The following MAN1B1 variants were observed in gnomAD, a reference collection of about 807,000 sequenced individuals.
MAN1B1 encodes endoplasmic reticulum mannosyl-oligosaccharide 1,2-alpha-mannosidase.
A neutral mutation model predicts 75.5 loss-of-function variants in MAN1B1; 66 were observed. That is an observed-to-expected ratio of 0.87 (90% CI 0.72 to 1.07). The LOEUF is 1.07. Among genes scored for constraint, MAN1B1 ranks in the 50% least tolerant of loss-of-function variants. The pLI is 0.00. For synonymous variants in MAN1B1, 453 were observed against 382.8 expected (o/e 1.18, Z -2.14); for missense variants, 973 against 912.5 (o/e 1.07, Z -0.85).
intron 9 of MAN1B1, 106 bp downstream of exon 9, chr9:137,106,421 C>CTCCCACGGCCCCCACTCCTG: frequency 8.7e-7 from 1 of 1,147,560 alleles, no homozygotes; most frequent in Non-Finnish European, 1.2e-6. Flanking sequence ...CTGCCCCCCG[C>CTCCCACGGCCCCCACTCCTG]CACACTGTGT....
rs747752271 is a variant in MAN1B1, at chr9:137,101,031, T to A, written c.943T>A (p.Ser315Thr). Residue 315 changes from serine to threonine, a missense_variant, in exon 7 of 13, where the codon TCG becomes ACG. Ser to Thr is a moderately conservative substitution (Grantham distance 58). Transcript: ENST00000371589. ...ATTTGAGGAAGCCAGGAAGTGGGTGTCGAAGAAGTTACACTTTGAAAAGGA... is the reference window on the plus strand; with the variant it reads ...ATTTGAGGAAGCCAGGAAGTGGGTGACGAAGAAGTTACACTTTGAAAAGGA... ...KEFEEARKWV[S>T]KKLHFEKDVD... 5 of 1,614,078 alleles carry A rather than the reference T, an allele frequency of 3.1e-6. 1 individual carries two copies. In the South Asian group the frequency reaches 5.5e-5, roughly 18 times the overall value.
In MAN1B1 at chr9:137,108,587, C is replaced by T; in HGVS notation, c.2096C>T (p.Ala699Val). 1.2e-6 allele frequency: 2 copies of T among 1,613,664 alleles called. No homozygotes were observed. Among genetic ancestry groups the T allele is most frequent in the Non-Finnish European group, 1.7e-6 (2 of 1,179,986 alleles). Residue 699 changes from alanine to valine, a missense_variant, in exon 13 of 13, where the codon GCC becomes GTC. Physicochemically the swap from Ala to Val is moderately conservative, Grantham distance 64. Transcript: ENST00000371589. ...CACCCTCTGCCTATCTGGACCCCTG[C>T]CTAGGGTGGATGGCTGCTGGTGTGG... ...EAHPLPIWTP[A>V]
intron 5 of MAN1B1, among the ~76,000 whole-genome samples, chr9:137,098,617 A>G (rs935661311): frequency 6.6e-6 from 1 of 152,218 alleles, no homozygotes; most frequent in Non-Finnish European, 1.5e-5. Context: ...AGGCAGAGGC[A>G]GAGGCATAGA....
At chr9:137,098,717 CAA>C (rs1830725411) in intron 5 of MAN1B1, among the ~76,000 whole-genome samples, 1 of 152,100 alleles carries the variant, frequency 6.6e-6, no homozygotes, top group Non-Finnish European at 1.5e-5. Flanking sequence ...ACACATTAGT[CAA>C]TGTTGGCCGG....
rs561406012 is a variant in MAN1B1 at position 137,087,238 on chromosome 9, G to A, written c.219+20G>A. The A allele has an allele frequency of 7.1e-6, 11 of 1,558,204 alleles. No individual in the cohort carries two copies. The Admixed American group carries it at 1.5e-4, about 22-fold the overall frequency. Reference sequence around the variant, plus strand: ...TGGAGGGTGAGGGTCGCGCCGGGCTGACTGGGGCCCGGGGCTGCCGTGCCC... The same window carrying A: ...TGGAGGGTGAGGGTCGCGCCGGGCTAACTGGGGCCCGGGGCTGCCGTGCCC... On this transcript the variant is annotated intron_variant, in intron 1 of 12. Coordinates refer to ENST00000371589, the MANE Select transcript of MAN1B1 (RefSeq NM_016219.5).
intron 8 of MAN1B1, chr9:137,104,392 G>A (rs536884674): frequency 5.8e-5 from 17 of 291,992 alleles, no homozygotes; most frequent in Admixed American, 3.7e-4. Context: ...CTGCCACCAC[G>A]CCCAGCTAAT....
At chr9:137,094,302 A>C (rs118009986) in intron 3 of MAN1B1, 6,547 of 336,064 alleles carry the variant, frequency 0.019, 100 homozygotes, top group South Asian at 0.043. Context: ...GATGTGAGCC[A>C]CTGCACCTGA....
Position 137,102,424 on chromosome 9 carries a change from TG to T in MAN1B1, c.1254+754del, listed in dbSNP as rs1002212750. On this transcript the variant is annotated intron_variant, in intron 8 of 12. Coordinates refer to ENST00000371589, the MANE Select transcript of MAN1B1 (RefSeq NM_016219.5). ...ACGCTGTTGCAGGCGTGCAGGTTGG[TG>T]GTGTTACATTCACACTGTTGCAGGC... 2.6e-5 allele frequency: 11 copies of T among 426,792 alleles called. No homozygotes were observed. The African/African-American group carries it at 2.6e-4, about 10-fold the overall frequency. 26.4% of individuals were successfully genotyped at this position (426,792 alleles called of 1,614,324 possible). A position where few individuals can be genotyped will look rare whatever the true frequency, so the allele number is the denominator to read the frequency against.
chr9:137,094,907 G>A (rs949633165), intron 3 of MAN1B1, among the ~76,000 whole-genome samples: 1 of 151,138 alleles, frequency 6.6e-6, no homozygotes, highest in Admixed American at 6.6e-5. Context: ...AAAAAAACAG[G>A]CTGGGCATGG....
At chr9:137,099,129 C>T (rs1167783120) in intron 5 of MAN1B1, among the ~76,000 whole-genome samples, 1 of 152,092 alleles carries the variant, frequency 6.6e-6, no homozygotes, top group Admixed American at 6.5e-5. Flanking sequence ...CGTGCCCAGC[C>T]AAAAAAATTT....
chr9:137,097,009 G>A (rs765831708), intron 4 of MAN1B1, among the ~76,000 whole-genome samples: 1 of 152,252 alleles, frequency 6.6e-6, no homozygotes. Flanking sequence ...TGAGACAAGC[G>A]CTGTCCGCCG....
rs368503703 is a variant in MAN1B1, at chr9:137,107,661, G to A, written c.1895G>A (p.Arg632Gln). ...CTGCAGAGCTTCAGCCGATTCACACGGGTGAGCACCTGTCCTCGCCCCGCG... is the reference window on the plus strand; with the variant it reads ...CTGCAGAGCTTCAGCCGATTCACACAGGTGAGCACCTGTCCTCGCCCCGCG... ...EILQSFSRFT[R>Q]VPSGGYSSIN... The change falls in exon 12 of 13, where the codon CGG (arginine) becomes CAG (glutamine). Residue 632 changes from arginine to glutamine, a missense_variant and splice_region_variant. Coordinates refer to ENST00000371589, the MANE Select transcript of MAN1B1 (RefSeq NM_016219.5). The A allele has an allele frequency of 3.2e-5, 51 of 1,609,516 alleles. 2 individuals are homozygous for A. Among genetic ancestry groups the A allele is most frequent in the Admixed American group, 1.0e-4 (6 of 60,004 alleles).
At chr9:137,100,580 T>G (rs1830782673) in intron 6 of MAN1B1, among the ~76,000 whole-genome samples, 1 of 152,208 alleles carries the variant, frequency 6.6e-6, no homozygotes, top group African/African-American at 2.4e-5. Context: ...TGGAGTGCAA[T>G]GGCGCAATCT....
intron 5 of MAN1B1, among the ~76,000 whole-genome samples, chr9:137,099,027 G>A (rs997505587): frequency 2.0e-5 from 3 of 152,188 alleles, no homozygotes; most frequent in South Asian, 2.1e-4. Flanking sequence ...ACGGGGTTTC[G>A]CGATGTTGGC....
At chr9:137,098,079 C>A (rs905046586) in intron 5 of MAN1B1, 142 bp downstream of exon 5, 8 of 664,396 alleles carry the variant, frequency 1.2e-5, no homozygotes, top group African/African-American at 7.1e-5. Flanking sequence ...TTGTCTGAGT[C>A]CTCACAGGCT....
chr9:137,098,590 G>A (rs139596751), intron 5 of MAN1B1, among the ~76,000 whole-genome samples: 65 of 152,284 alleles, frequency 4.3e-4, no homozygotes, highest in African/African-American at 1.2e-3. Context: ...CAATCTCTGC[G>A]GCATCAATGA....
intron 9 of MAN1B1, 176 bp from the exon 10 acceptor site, chr9:137,106,513 G>T (rs577251315): frequency 3.5e-5 from 37 of 1,070,210 alleles, no homozygotes; most frequent in African/African-American, 2.6e-4. Flanking sequence ...CGTGGCCTCT[G>T]GGGGGGTGAG....
At chr9:137,107,765 T>G in intron 12 of MAN1B1, 103 bp downstream of exon 12, 1 of 1,572,400 alleles carries the variant, frequency 6.4e-7, no homozygotes, top group Non-Finnish European at 8.7e-7. Context: ...GGCTGTGACC[T>G]GGATCCGGGA....
Position 137,087,178 on chromosome 9 carries a change from A to G in MAN1B1, c.179A>G (p.Tyr60Cys), listed in dbSNP as rs1182665172. ...ISVTLSFGEN[Y>C]DNSKSWRRRS... ...GTGACGCTGAGCTTTGGCGAGAACT[A>G]TGACAACAGCAAGAGTTGGCGGCGG... is the stretch of plus-strand genomic sequence containing the variant. Residue 60 changes from tyrosine (Y) to cysteine (C), a missense_variant, in exon 1 of 13, where the codon TAT becomes TGT. By Grantham distance (194) the Tyr-to-Cys change is radical. Coordinates refer to ENST00000371589, the MANE Select transcript of MAN1B1 (RefSeq NM_016219.5). The G allele has an allele frequency of 6.3e-7, 1 of 1,591,784 alleles. No homozygotes were observed. Among genetic ancestry groups the G allele is most frequent in the Non-Finnish European group, 8.5e-7 (1 of 1,169,962 alleles).
Sources: gnomAD v4.1 joint callset for allele counts (sites outside exome capture counted in the v4.1 genomes callset) on GRCh38, gnomAD v4.1.1 for gene constraint, MANE v1.5 for transcripts, NCBI Gene and HGNC (gene_info 2026-07-23, HGNC 2026-07-21) for gene names.